The following PI4KA variants were observed in gnomAD, a reference collection of about 807,000 sequenced individuals.
PI4KA encodes the protein phosphatidylinositol 4-kinase alpha, also known as PI4-kinase alpha.
PI4KA carries 122 observed loss-of-function variants against 271.4 expected under a neutral mutation model. That is an observed-to-expected ratio of 0.45 (90% CI 0.39 to 0.52). The LOEUF is 0.52. Among genes scored for constraint, PI4KA ranks in the 20% least tolerant of loss-of-function variants. PI4KA has a pLI of 0.00. For synonymous variants in PI4KA, 1,041 were observed against 1,078.8 expected, an observed-to-expected ratio of 0.96 and a Z score of 0.69; for missense variants, 1,969 against 2,769.1, an observed-to-expected ratio of 0.71 and a Z score of 6.48.
intron 1 of PI4KA, among the ~76,000 whole-genome samples, chr22:20,850,441 T>TA (rs1023498647): frequency 1.2e-4 from 17 of 138,882 alleles, no homozygotes; most frequent in East Asian, 4.6e-4. Flanking sequence ...AATACTCATT[T>TA]AAAAAAAAAT....
At chr22:20,808,343 T>G (rs1601543591) in intron 9 of PI4KA, among the ~76,000 whole-genome samples, 1 of 147,720 alleles carries the variant, frequency 6.8e-6, no homozygotes, top group African/African-American at 2.5e-5. Context: ...CCCAGCACTT[T>G]GGGAGGCCAA....
intron 3 of PI4KA, among the ~76,000 whole-genome samples, chr22:20,825,215 G>A (rs184367921): frequency 1.3e-5 from 2 of 152,102 alleles, no homozygotes; most frequent in Admixed American, 6.6e-5. Context: ...TGCAGCTCTA[G>A]GCTGTTCTCA....
chr22:20,817,435 T>G (rs913252091), intron 7 of PI4KA, among the ~76,000 whole-genome samples: 7 of 151,856 alleles, frequency 4.6e-5, no homozygotes, highest in African/African-American at 1.7e-4. Flanking sequence ...ACAGCAGAGC[T>G]CTATAAAAAG....
intron 23 of PI4KA, among the ~76,000 whole-genome samples, chr22:20,757,059 C>T (rs1363311274): frequency 6.6e-6 from 1 of 152,214 alleles, no homozygotes; most frequent in Non-Finnish European, 1.5e-5. Flanking sequence ...CCTCACGTTC[C>T]TGTGCAGCTG....
chr22:20,751,823 C>T (rs1427700979), intron 25 of PI4KA, 68 bp from the exon 26 acceptor site: 2 of 1,386,340 alleles, frequency 1.4e-6, no homozygotes, highest in Non-Finnish European at 2.0e-6. Context: ...CTAGGAGCCC[C>T]CTCAGCTGCC....
chr22:20,771,875 C>G (rs752784444), intron 19 of PI4KA, among the ~76,000 whole-genome samples: 1 of 152,100 alleles, frequency 6.6e-6, no homozygotes, highest in East Asian at 1.9e-4. Context: ...AGCCACCACA[C>G]CTGGCCGGTA....
chr22:20,795,783 CTGA>C (rs1267827711), intron 18 of PI4KA, among the ~76,000 whole-genome samples: 1 of 152,122 alleles, frequency 6.6e-6, no homozygotes, highest in African/African-American at 2.4e-5. Context: ...CCACTGTGTT[CTGA>C]TGATGGGCCC....
Position 20,734,118 on chromosome 22 carries a change from C to T in PI4KA, c.3977G>A (p.Arg1326His), listed in dbSNP as rs1027396021. ...QVEIFSSLLQ[R>H]SMSLNIGGAK... Reference sequence around the variant, plus strand: ...CCCGCCGATGTTCAGGGACATGGAGCGCTGCAGCAGGCTGGAGAAGATCTC... The same window carrying T: ...CCCGCCGATGTTCAGGGACATGGAGTGCTGCAGCAGGCTGGAGAAGATCTC... Residue 1326 changes from arginine (R) to histidine (H), a missense_variant, in exon 34 of 55, where the codon CGC (arginine) becomes CAC (histidine). Around this residue, in one of 13 missense-constraint regions of PI4KA, gnomAD observed 11 missense variants for 49.6 expected, o/e 0.22. Coordinates refer to ENST00000255882, the MANE Select transcript of PI4KA (RefSeq NM_058004.4). The T allele has an allele frequency of 6.9e-6, 11 of 1,602,690 alleles. No homozygotes were observed. The highest frequency in any genetic ancestry group is 2.3e-5 in the East Asian group (1 of 44,326).
At chr22:20,710,457 G>T (rs970347776) in intron 52 of PI4KA, 2 of 575,658 alleles carry the variant, frequency 3.5e-6, no homozygotes, top group Admixed American at 6.1e-5. Flanking sequence ...CCCAGAAAGG[G>T]AGAGCCCATG....
At chr22:20,729,247 C>A in intron 39 of PI4KA, 66 bp downstream of exon 39, 6 of 1,428,810 alleles carry the variant, frequency 4.2e-6, no homozygotes, top group Non-Finnish European at 5.7e-6. Context: ...CATGACCCAG[C>A]TGGCAAGCAC....
chr22:20,835,202 C>T (rs1238912675), intron 2 of PI4KA, among the ~76,000 whole-genome samples: 2 of 152,028 alleles, frequency 1.3e-5, no homozygotes, highest in East Asian at 3.8e-4. Context: ...GACTTTATAG[C>T]CAACTTTAGC....
chr22:20,742,939 C>T, intron 30 of PI4KA, 175 bp from the exon 31 acceptor site: 2 of 498,918 alleles, frequency 4.0e-6, no homozygotes, highest in South Asian at 2.5e-5. Flanking sequence ...CTGATCACAG[C>T]TTTTTTTTTT....
At chr22:20,764,658 G>T in intron 22 of PI4KA, 159 bp downstream of exon 22, 1 of 625,692 alleles carries the variant, frequency 1.6e-6, no homozygotes. Context: ...CATGAAGGAG[G>T]GGCATACGAG....
At chr22:20,722,505 G>A (rs1368877399) in intron 42 of PI4KA, among the ~76,000 whole-genome samples, 2 of 152,082 alleles carry the variant, frequency 1.3e-5, no homozygotes, top group East Asian at 3.8e-4. Context: ...CTTTATAGCA[G>A]TGTGAAAATG....
chr22:20,784,543 T>A (rs984979557), intron 19 of PI4KA, among the ~76,000 whole-genome samples: 1 of 152,124 alleles, frequency 6.6e-6, no homozygotes, highest in African/African-American at 2.4e-5. Flanking sequence ...TCATCATCCC[T>A]AAAATGGGTA....
intron 30 of PI4KA, among the ~76,000 whole-genome samples, chr22:20,743,860 C>T (rs1254736387): frequency 6.6e-6 from 1 of 152,008 alleles, no homozygotes; most frequent in Non-Finnish European, 1.5e-5. Context: ...CAAGACCGTC[C>T]TGGCTAACAC....
rs1020553110 is a variant in PI4KA at position 20,727,821 on chromosome 22, C to A, written c.4726G>T (p.Val1576Phe). The change falls in exon 40 of 55, where the codon GTT becomes TTT. Residue 1576 changes from valine to phenylalanine, a missense_variant. Physicochemically the swap from Val to Phe is conservative, Grantham distance 50. Coordinates refer to ENST00000255882, the MANE Select transcript of PI4KA (RefSeq NM_058004.4). Reference sequence around the variant, plus strand: ...CTAACGGCTCCCGGGTCCAACCGAACGAGACGGGTCACTTCGTTCCCAATG... The same window carrying A: ...CTAACGGCTCCCGGGTCCAACCGAAAGAGACGGGTCACTTCGTTCCCAATG... The part of the protein sequence containing the change: ...EAIGNEVTRL[V>F]RLDPGAVSDV... 1.9e-6 allele frequency: 3 copies of A among 1,614,028 alleles called. No individual in the cohort carries two copies. Among genetic ancestry groups the A allele is most frequent in the African/African-American group, 2.7e-5 (2 of 74,926 alleles).
chr22:20,787,820 T>C (rs1331659825), intron 19 of PI4KA: 1 of 154,972 alleles, frequency 6.5e-6, no homozygotes, highest in Non-Finnish European at 1.4e-5. Context: ...AGGAAGTCAC[T>C]TGAGCACCAC....
intron 19 of PI4KA, among the ~76,000 whole-genome samples, chr22:20,791,287 T>A (rs1934630709): frequency 6.6e-6 from 1 of 152,238 alleles, no homozygotes; most frequent in Non-Finnish European, 1.5e-5. Context: ...ATCCTCCCTA[T>A]CTGCCTAAAA....
Sources: allele counts gnomAD v4.1 joint callset (sites outside exome capture counted in the v4.1 genomes callset), GRCh38; gene constraint gnomAD v4.1.1; regional missense constraint gnomAD v4.1.1; transcripts MANE v1.5; gene names NCBI Gene and HGNC (gene_info 2026-07-23, HGNC 2026-07-21).